The following SFT2D1 variants were observed in gnomAD, a reference collection of about 807,000 sequenced individuals.
SFT2D1 encodes vesicle transport protein SFT2A.
SFT2D1 carries 24 observed loss-of-function variants against 28.1 expected under a neutral mutation model. The observed-to-expected ratio is 0.85, with a 90% confidence interval of 0.62 to 1.20. The LOEUF (loss-of-function observed/expected upper bound fraction) is 1.20. SFT2D1 is among the 50% of genes most tolerant of loss of function. The probability of loss-of-function intolerance (pLI) is 0.00; values close to 1 mark genes in which losing one functional copy is unlikely to be tolerated. For synonymous variants in SFT2D1, 82 were observed against 73.7 expected, an observed-to-expected ratio of 1.11 and a Z score of -0.58; for missense variants, 181 against 190.9, an observed-to-expected ratio of 0.95 and a Z score of 0.31.
intron 1 of SFT2D1, among the ~76,000 whole-genome samples, chr6:166,337,602 C>T (rs1212865476): frequency 6.6e-6 from 1 of 152,134 alleles, no homozygotes; most frequent in African/African-American, 2.4e-5. Flanking sequence ...TCACCCACAC[C>T]TACCATGGGA....
chr6:166,341,020 T>C (rs1778769630), intron 1 of SFT2D1, among the ~76,000 whole-genome samples: 1 of 152,238 alleles, frequency 6.6e-6, no homozygotes, highest in South Asian at 2.1e-4. Flanking sequence ...TAGAACTTTC[T>C]GCAATGCAAA....
At position 166,328,204 on chromosome 6, in the gene SFT2D1, A is replaced by G. The variant is rs942211453; in HGVS notation, c.315+72T>C. 5 of 817,898 alleles carry G rather than the reference A, an allele frequency of 6.1e-6. No individual in the cohort carries two copies. In the African/African-American group the frequency reaches 7.2e-5, roughly 12 times the overall value. The allele number at this position is 817,898 out of a possible 1,614,324, so 50.7% of individuals were successfully genotyped here. ...AAAAAAAGAAGTATACATACATAAC[A>G]GGCAATTATTCGTAAAATAACAGTG... On this transcript the variant is annotated intron_variant, in intron 4 of 7. Transcript: ENST00000361731.
At chr6:166,340,188 AC>A (rs1439138778) in intron 1 of SFT2D1, among the ~76,000 whole-genome samples, 2 of 152,070 alleles carry the variant, frequency 1.3e-5, no homozygotes, top group Non-Finnish European at 2.9e-5. Context: ...TCTTTAAACC[AC>A]TTCTATCACT....
At position 166,320,106 on chromosome 6, in the gene SFT2D1, G is replaced by A. The variant is rs891676228; in HGVS notation, c.*111C>T. 17 of 899,354 alleles carry A rather than the reference G, an allele frequency of 1.9e-5. No individual in the cohort carries two copies. Among genetic ancestry groups the A allele is most frequent in the Non-Finnish European group, 2.7e-5 (15 of 564,378 alleles). The allele number at this position is 899,354 out of a possible 1,614,324, so 55.7% of individuals were successfully genotyped here. A position where few individuals can be genotyped will look rare whatever the true frequency, so the allele number is the denominator to read the frequency against. ...TACAAAATGAGACTTAGTACAAAACGGTCTTCAACTGTCACGTCAGTTGTT... is the reference window on the plus strand; with the variant it reads ...TACAAAATGAGACTTAGTACAAAACAGTCTTCAACTGTCACGTCAGTTGTT... On this transcript the variant is annotated 3_prime_UTR_variant, in exon 8 of 8. Transcript: ENST00000361731.
Position 166,320,065 on chromosome 6 carries a change from G to A in SFT2D1, c.*152C>T. 1 of 625,980 alleles carries A rather than the reference G, an allele frequency of 1.6e-6. No homozygotes were observed. Among genetic ancestry groups the A allele is most frequent in the Non-Finnish European group, 2.8e-6 (1 of 353,084 alleles). The allele number at this position is 625,980 out of a possible 1,614,324, so 38.8% of individuals were successfully genotyped here. On this transcript the variant is annotated 3_prime_UTR_variant, in exon 8 of 8. Coordinates refer to ENST00000361731, the MANE Select transcript of SFT2D1 (RefSeq NM_145169.3). ...AGCATTTAATGGTTTAATCAAGCAT[G>A]TAGTTTTTACCAGTATACAAAATGA...
chr6:166,332,714 T>C (rs1778573441), intron 1 of SFT2D1, among the ~76,000 whole-genome samples: 1 of 152,222 alleles, frequency 6.6e-6, no homozygotes, highest in African/African-American at 2.4e-5. Context: ...ATTTTACTTA[T>C]CTGCTACCAG....
intron 6 of SFT2D1, chr6:166,324,332 C>A: frequency 2.0e-6 from 1 of 490,356 alleles, no homozygotes; most frequent in Non-Finnish European, 3.7e-6. Context: ...ACGAGCACAG[C>A]ACCCCATACT....
chr6:166,339,475 C>T (rs1778733715), intron 1 of SFT2D1, among the ~76,000 whole-genome samples: 2 of 152,188 alleles, frequency 1.3e-5, no homozygotes, highest in Admixed American at 6.5e-5. Flanking sequence ...GACCCCACTG[C>T]ATCCTTCAAC....
At chr6:166,335,542 C>T (rs527873724) in intron 1 of SFT2D1, 2 of 441,326 alleles carry the variant, frequency 4.5e-6, no homozygotes, top group Admixed American at 2.8e-5. Flanking sequence ...ATGGCACTGG[C>T]AGAAGATTTT....
At chr6:166,329,172 G>A (rs143880956) in intron 3 of SFT2D1, among the ~76,000 whole-genome samples, 128 of 152,288 alleles carry the variant, frequency 8.4e-4, no homozygotes, top group African/African-American at 3.0e-3. Context: ...GGGCAGCACT[G>A]ACTCCCCTGC....
At position 166,330,144 on chromosome 6, in the gene SFT2D1, A is replaced by G. The variant is rs757331230; in HGVS notation, c.150+17T>C. On this transcript the variant is annotated intron_variant, in intron 2 of 7. Transcript: ENST00000361731. ...TACAAAATAAAAATTATTAAACAATATAAAGCCTTAACTCACAAGAATAGA... is the reference window on the plus strand; with the variant it reads ...TACAAAATAAAAATTATTAAACAATGTAAAGCCTTAACTCACAAGAATAGA... 3 of 1,541,328 alleles carry G rather than the reference A, an allele frequency of 1.9e-6. No homozygotes were observed. In the South Asian group the frequency reaches 3.8e-5, roughly 19 times the overall value.
At chr6:166,324,836 G>A (rs974328033) in intron 5 of SFT2D1, 7 of 490,398 alleles carry the variant, frequency 1.4e-5, no homozygotes, top group Middle Eastern at 5.4e-4. Flanking sequence ...TTAAATAAAC[G>A]TTACTGAAAC....
rs188147900 is a variant in SFT2D1 at position 166,329,515 on chromosome 6, C to T, written c.225G>A (p.Ala75=). ...AVFYTLGNLA[A]LASTCFLMGP... is the part of the protein sequence containing the mutation. ...TGAGAAGCCAAACGTACCTGGCTAACGCAGCAAGATTGCCGAGGGTATAAA... is the reference window on the plus strand; with the variant it reads ...TGAGAAGCCAAACGTACCTGGCTAATGCAGCAAGATTGCCGAGGGTATAAA... The change falls in exon 3 of 8, where the codon GCG becomes GCA. Residue 75 remains alanine (A), a synonymous_variant. Coordinates refer to ENST00000361731, the MANE Select transcript of SFT2D1 (RefSeq NM_145169.3). The T allele has an allele frequency of 2.8e-5, 45 of 1,607,140 alleles. No homozygotes were observed. Among genetic ancestry groups the T allele is most frequent in the East Asian group, 6.7e-5 (3 of 44,854 alleles).
intron 1 of SFT2D1, among the ~76,000 whole-genome samples, 197 bp from the exon 2 acceptor site, chr6:166,330,444 G>A (rs1204863427): frequency 6.6e-6 from 1 of 152,080 alleles, no homozygotes; most frequent in African/African-American, 2.4e-5. Context: ...TGATGCTGAG[G>A]AATAACCATT....
At chr6:166,322,918 C>A in intron 6 of SFT2D1, 32 bp from the exon 7 acceptor site, 1 of 1,586,958 alleles carries the variant, frequency 6.3e-7, no homozygotes, top group Non-Finnish European at 8.6e-7. Context: ...GTTGAATCTT[C>A]ATCTGAATGA....
intron 4 of SFT2D1, among the ~76,000 whole-genome samples, chr6:166,327,086 T>C (rs1189231263): frequency 6.6e-6 from 1 of 151,892 alleles, no homozygotes; most frequent in East Asian, 1.9e-4. Flanking sequence ...TTTACTCTAG[T>C]GAGGAGATGG....
Position 166,328,372 on chromosome 6 carries a change from TA to T in SFT2D1, c.234-16del. The T allele has an allele frequency of 2.0e-6, 3 of 1,484,882 alleles. No homozygotes were observed. Among genetic ancestry groups the T allele is most frequent in the Non-Finnish European group, 2.7e-6 (3 of 1,094,636 alleles). 92.0% of individuals were successfully genotyped at this position (1,484,882 alleles called of 1,614,324 possible). A position where few individuals can be genotyped will look rare whatever the true frequency, so the allele number is the denominator to read the frequency against. ...AAAAGCATGTACTATTTGAAACAAA[TA>T]AAGTGACTGAGGTACAGGTCTACTA... On this transcript the variant is annotated splice_polypyrimidine_tract_variant and intron_variant, in intron 3 of 7. Transcript: ENST00000361731.
At chr6:166,328,659 TG>T (rs774133820) in intron 3 of SFT2D1, among the ~76,000 whole-genome samples, 1 of 152,218 alleles carries the variant, frequency 6.6e-6, no homozygotes, top group Non-Finnish European at 1.5e-5. Flanking sequence ...AGAGGCTGCC[TG>T]GGGGTTGCTC....
intron 1 of SFT2D1, among the ~76,000 whole-genome samples, chr6:166,333,529 G>T (rs925880822): frequency 2.0e-5 from 3 of 152,188 alleles, no homozygotes; most frequent in Admixed American, 1.3e-4. Flanking sequence ...CTCCTCATCC[G>T]GCCCTTCTCC....
Sources: gnomAD v4.1 joint callset for allele counts (sites outside exome capture counted in the v4.1 genomes callset) on GRCh38, gnomAD v4.1.1 for gene constraint, MANE v1.5 for transcripts, NCBI Gene and HGNC (gene_info 2026-07-23, HGNC 2026-07-21) for gene names.